The following RRBP1 variants were observed in gnomAD, a reference collection of about 807,000 sequenced individuals.
The protein encoded by RRBP1 is ribosome-binding protein 1.
A neutral mutation model predicts 165.2 loss-of-function variants in RRBP1; 94 were observed. The observed-to-expected ratio is 0.57, with a 90% confidence interval of 0.48 to 0.68. RRBP1 has a LOEUF of 0.68. Among genes scored for constraint, RRBP1 ranks in the 30% least tolerant of loss-of-function variants. The pLI, the probability that RRBP1 is intolerant of heterozygous loss-of-function variation, is 0.00. For missense variants in RRBP1, 1,676 were observed against 1,763.0 expected (o/e 0.95, Z 0.88); for synonymous variants, 680 against 714.5 (o/e 0.95, Z 0.77).
At chr20:17,642,626 A>C (rs571040203) in intron 4 of RRBP1, among the ~76,000 whole-genome samples, 1 of 152,106 alleles carries the variant, frequency 6.6e-6, no homozygotes, top group Non-Finnish European at 1.5e-5. Flanking sequence ...CACGACGGAA[A>C]CCAGGGGCGC....
intron 11 of RRBP1, among the ~76,000 whole-genome samples, 171 bp from the exon 12 acceptor site, chr20:17,625,773 G>A (rs753008060): frequency 3.9e-5 from 6 of 152,156 alleles, no homozygotes; most frequent in East Asian, 3.9e-4. Context: ...AGGGAAGCCT[G>A]AGCAGCCCCC....
intron 5 of RRBP1, among the ~76,000 whole-genome samples, chr20:17,638,687 T>C (rs1035811507): frequency 1.4e-5 from 2 of 143,342 alleles, no homozygotes; most frequent in East Asian, 4.2e-4. Context: ...AAGAGTCAGA[T>C]TTATTTCCTT....
chr20:17,654,642 G>A (rs1038496353), intron 3 of RRBP1, among the ~76,000 whole-genome samples: 1 of 152,158 alleles, frequency 6.6e-6, no homozygotes, highest in Non-Finnish European at 1.5e-5. Context: ...TCTTCACTGT[G>A]GCTGGAGCTC....
At chr20:17,619,997 C>T (rs1378011071) in intron 18 of RRBP1, among the ~76,000 whole-genome samples, 2 of 152,168 alleles carry the variant, frequency 1.3e-5, no homozygotes, top group African/African-American at 4.8e-5. Flanking sequence ...CCAGGGCTCC[C>T]TGTGGCGTCT....
chr20:17,632,462 A>T (rs1168518774), intron 8 of RRBP1, among the ~76,000 whole-genome samples: 1 of 152,212 alleles, frequency 6.6e-6, no homozygotes, highest in Non-Finnish European at 1.5e-5. Context: ...TCACATGAAC[A>T]TCAGAAAACA....
At chr20:17,668,599 A>C (rs1001022269) in intron 2 of RRBP1, among the ~76,000 whole-genome samples, 1 of 152,204 alleles carries the variant, frequency 6.6e-6, no homozygotes, top group Non-Finnish European at 1.5e-5. Context: ...GACAAAACAG[A>C]TAAATTCTTA....
intron 4 of RRBP1, 35 bp from the exon 5 acceptor site, chr20:17,641,954 C>T: frequency 6.3e-7 from 1 of 1,598,722 alleles, no homozygotes; most frequent in Non-Finnish European, 8.6e-7. Context: ...ACAGAGGGGA[C>T]AAATGGGACT....
chr20:17,624,030 A>C (rs1404564505), intron 13 of RRBP1, among the ~76,000 whole-genome samples: 1 of 151,992 alleles, frequency 6.6e-6, no homozygotes, highest in Non-Finnish European at 1.5e-5. Context: ...CAGAAATAAC[A>C]CCAAAAAAGC....
At position 17,621,555 on chromosome 20, in the gene RRBP1, A is replaced by C; in HGVS notation, c.3325-8T>G. 6.2e-7 allele frequency: 1 copy of C among 1,607,756 alleles called. No individual in the cohort carries two copies. Among genetic ancestry groups the C allele is most frequent in the Non-Finnish European group, 8.5e-7 (1 of 1,175,602 alleles). ...CAACTTGGAGGCCAGGTCCTGAGAGAGGGAAGAACAGGTGTTTAGTTAGCC... is the reference window on the plus strand; with the variant it reads ...CAACTTGGAGGCCAGGTCCTGAGAGCGGGAAGAACAGGTGTTTAGTTAGCC... On this transcript the variant is annotated splice_region_variant and splice_polypyrimidine_tract_variant and intron_variant, in intron 15 of 24. Coordinates refer to ENST00000377813, the MANE Select transcript of RRBP1 (RefSeq NM_001365613.2).
intron 11 of RRBP1, among the ~76,000 whole-genome samples, chr20:17,625,803 G>A (rs537767306): frequency 4.4e-4 from 61 of 137,262 alleles, no homozygotes; most frequent in African/African-American, 1.4e-3. Flanking sequence ...CCCTCCCCCC[G>A]CCATCCAGAG....
chr20:17,619,428 G>A, intron 19 of RRBP1: 1 of 466,714 alleles, frequency 2.1e-6, no homozygotes, highest in African/African-American at 2.0e-5. Flanking sequence ...TGGCTGGGAG[G>A]CTGCCTTTTT....
chr20:17,634,240 A>G (rs768255360), intron 7 of RRBP1, among the ~76,000 whole-genome samples: 5 of 152,232 alleles, frequency 3.3e-5, no homozygotes, highest in Non-Finnish European at 5.9e-5. Flanking sequence ...ACGCTGCCTC[A>G]AGGCCAAAGA....
At chr20:17,657,921 G>A (rs561124350) in intron 3 of RRBP1, among the ~76,000 whole-genome samples, 18 of 152,296 alleles carry the variant, frequency 1.2e-4, no homozygotes, top group African/African-American at 4.1e-4. Flanking sequence ...ACAGATACCC[G>A]AGTCAGGCTG....
intron 2 of RRBP1, among the ~76,000 whole-genome samples, chr20:17,676,859 T>C (rs545053428): frequency 6.6e-6 from 1 of 152,334 alleles, no homozygotes; most frequent in East Asian, 1.9e-4. Context: ...ATGATTCTCC[T>C]GCTTCAGCCA....
chr20:17,665,338 G>A (rs1051677753), intron 2 of RRBP1, among the ~76,000 whole-genome samples: 9 of 152,178 alleles, frequency 5.9e-5, no homozygotes, highest in African/African-American at 1.9e-4. Context: ...TAAACTTTGT[G>A]AGAATATTCA....
In RRBP1 at chr20:17,643,089, T is replaced by G; in HGVS notation, c.1951A>C (p.Lys651Gln). The change falls in exon 4 of 25, where the codon AAG becomes CAG. Residue 651 changes from lysine (K) to glutamine (Q), a missense_variant. Coordinates refer to ENST00000377813, the MANE Select transcript of RRBP1 (RefSeq NM_001365613.2). The surrounding 1 kb of genome is among the most constrained non-coding windows in gnomAD (Gnocchi z 4.3). ...CTCCCAACCGTGGAGACCAGCGTCT[T>G]GTAGGGGAGGTAGAGAGGGCCGTCG... is the stretch of plus-strand genomic sequence containing the variant. ...DADGPLYLPY[K>Q]TLVSTVGSMV... is the part of the protein sequence containing the mutation. 1.2e-6 allele frequency: 2 copies of G among 1,613,912 alleles called. No individual in the cohort carries two copies. Among genetic ancestry groups the G allele is most frequent in the Non-Finnish European group, 1.7e-6 (2 of 1,179,964 alleles).
At chr20:17,629,009 G>A (rs548457551) in intron 9 of RRBP1, among the ~76,000 whole-genome samples, 11 of 152,348 alleles carry the variant, frequency 7.2e-5, no homozygotes, top group South Asian at 4.1e-4. Flanking sequence ...CGGTGTTAAC[G>A]GGCACTTTTG....
chr20:17,629,332 A>G (rs2036099853), intron 9 of RRBP1, among the ~76,000 whole-genome samples: 3 of 152,078 alleles, frequency 2.0e-5, no homozygotes, highest in Admixed American at 2.0e-4. Flanking sequence ...CACCCTTTCC[A>G]TGATCGACTG....
At chr20:17,669,506 T>C (rs1033930141) in intron 2 of RRBP1, among the ~76,000 whole-genome samples, 2 of 152,348 alleles carry the variant, frequency 1.3e-5, no homozygotes, top group South Asian at 2.1e-4. Context: ...TCATCTATAC[T>C]GTATCAAATC....
Sources: gnomAD v4.1 joint callset for allele counts (sites outside exome capture counted in the v4.1 genomes callset) on GRCh38, gnomAD v4.1.1 for gene constraint, Gnocchi (gnomAD v3.1) non-coding constraint, MANE v1.5 for transcripts, NCBI Gene and HGNC (gene_info 2026-07-23, HGNC 2026-07-21) for gene names.